Variants in UQCRC2 observed in about 807,000 individuals in gnomAD.
UQCRC2 encodes the protein cytochrome b-c1 complex subunit 2, mitochondrial.
In UQCRC2, 49 loss-of-function variants were observed where a neutral mutation model predicts 55.6. The observed-to-expected ratio is 0.88, with a 90% CI of 0.70 to 1.12. The LOEUF (loss-of-function observed/expected upper bound fraction) is 1.12. UQCRC2 is among the 50% of genes most tolerant of loss of function. The pLI is 0.00. For synonymous variants in UQCRC2, 193 were observed against 192.0 expected, an observed-to-expected ratio of 1.01 and a Z score of -0.04; for missense variants, 506 against 547.8, an observed-to-expected ratio of 0.92 and a Z score of 0.76.
intron 4 of UQCRC2, chr16:21,962,257 T>A: frequency 3.4e-6 from 2 of 584,272 alleles, no homozygotes; most frequent in South Asian, 4.2e-5. Context: ...CAGATTTCAC[T>A]CCTTTTAAGG....
chr16:21,967,662 A>G (rs1162124481), intron 7 of UQCRC2, among the ~76,000 whole-genome samples: 1 of 152,148 alleles, frequency 6.6e-6, no homozygotes, highest in Non-Finnish European at 1.5e-5. Flanking sequence ...TTCCACATTT[A>G]ATATTTTATA....
intron 11 of UQCRC2, among the ~76,000 whole-genome samples, 155 bp downstream of exon 11, chr16:21,974,131 T>A (rs1898527601): frequency 6.6e-6 from 1 of 152,200 alleles, no homozygotes; most frequent in Admixed American, 6.5e-5. Flanking sequence ...TTATCTGCTA[T>A]AGGGAAATTT....
chr16:21,965,493 G>T lies in UQCRC2; in HGVS notation c.600G>T (p.Val200=). 6.3e-7 allele frequency: 1 copy of T among 1,596,096 alleles called. No individual in the cohort carries two copies. Among genetic ancestry groups the T allele is most frequent in the Non-Finnish European group, 8.5e-7 (1 of 1,173,040 alleles). ...LYCPDYRIGK[V]TSEELHYFVQ... ...GTCCTGACTATAGGATTGGAAAAGT[G>T]ACATCAGAGGAGGTACCAATAAAAC... The change falls in exon 7 of 14, where the codon GTG becomes GTT. Residue 200 remains valine, a synonymous_variant. Transcript: ENST00000268379.
intron 11 of UQCRC2, among the ~76,000 whole-genome samples, chr16:21,975,848 T>G (rs1356841430): frequency 6.6e-6 from 1 of 152,174 alleles, no homozygotes; most frequent in Admixed American, 6.5e-5. Flanking sequence ...CCCAACACTT[T>G]GGGAGGTTAA....
chr16:21,965,998 A>C (rs1189050325), intron 7 of UQCRC2, among the ~76,000 whole-genome samples: 3 of 151,926 alleles, frequency 2.0e-5, no homozygotes, highest in African/African-American at 7.3e-5. Context: ...TATCTTTTTT[A>C]AACAGTATTT....
chr16:21,968,068 C>T (rs1024948864), intron 7 of UQCRC2, among the ~76,000 whole-genome samples: 16 of 145,176 alleles, frequency 1.1e-4, no homozygotes, highest in African/African-American at 4.1e-4. Flanking sequence ...ATGACACGAT[C>T]TCAGCTCACT....
intron 4 of UQCRC2, chr16:21,961,394 T>A (rs973602964): frequency 2.5e-6 from 1 of 405,474 alleles, no homozygotes; most frequent in Non-Finnish European, 5.1e-6. Flanking sequence ...ATGAACTAGA[T>A]CCATACGTCA....
chr16:21,982,348 T>A (rs1421520796), intron 13 of UQCRC2, among the ~76,000 whole-genome samples: 2 of 152,172 alleles, frequency 1.3e-5, no homozygotes, highest in African/African-American at 2.4e-5. Flanking sequence ...TAAAGAATCC[T>A]CTAGGGTATC....
At position 21,968,125 on chromosome 16, in the gene UQCRC2, C is replaced by T. The variant is rs530453967; in HGVS notation, c.613-503C>T. 5.9e-5 allele frequency among the ~76,000 whole-genome samples: 9 copies of T among 151,908 alleles called. No individual in the cohort carries two copies. The East Asian group carries it at 9.7e-4, about 16-fold the overall frequency. ...CAAACAATTCTCGTGCCTCAGCCAC[C>T]CATGTAGCTGGGATTACAGGCGTGC... On this transcript the variant is annotated intron_variant, in intron 7 of 13. Transcript: ENST00000268379.
chr16:21,975,892 C>T (rs918895422), intron 11 of UQCRC2, among the ~76,000 whole-genome samples: 1 of 152,028 alleles, frequency 6.6e-6, no homozygotes, highest in Non-Finnish European at 1.5e-5. Flanking sequence ...CACATCTCTA[C>T]AAAAAAAGCT....
chr16:21,963,829 G>A (rs929662684), intron 6 of UQCRC2, among the ~76,000 whole-genome samples: 1 of 152,000 alleles, frequency 6.6e-6, no homozygotes, highest in African/African-American at 2.4e-5. Context: ...TATTGCTGCT[G>A]CTATTATTGC....
chr16:21,970,133 C>T (rs190124548), intron 8 of UQCRC2, among the ~76,000 whole-genome samples: 3 of 152,300 alleles, frequency 2.0e-5, no homozygotes, highest in Admixed American at 6.5e-5. Flanking sequence ...CATATTGTAG[C>T]ATGTGTCAAT....
In UQCRC2 at chr16:21,968,577, C is replaced by G. The variant is rs374488411; in HGVS notation, c.613-51C>G. On this transcript the variant is annotated intron_variant, in intron 7 of 13. Transcript: ENST00000268379. ...AAACTGTACTTTTATGTTTTTACAG[C>G]TTTTTATATTTATGCTAATATAACC... is the stretch of plus-strand genomic sequence containing the variant. 4 of 1,485,478 alleles carry G rather than the reference C, an allele frequency of 2.7e-6. No homozygotes were observed. In the African/African-American group the frequency reaches 4.3e-5, roughly 16 times the overall value. 92.0% of individuals were successfully genotyped at this position (1,485,478 alleles called of 1,614,324 possible).
At position 21,980,424 on chromosome 16, in the gene UQCRC2, G is replaced by A. The variant is rs193124048; in HGVS notation, c.1125-123G>A. ...TTCTTCTTGGGGAATTCAGGAAGAG[G>A]GAGACACGCTGTTACTCTATCCATT... On this transcript the variant is annotated intron_variant, in intron 12 of 13. Transcript: ENST00000268379. 2.6e-3 allele frequency: 2,538 copies of A among 988,162 alleles called. 16 individuals carry two copies. The highest frequency in any genetic ancestry group is 0.011 in the South Asian group (646 of 60,588). 61.2% of individuals were successfully genotyped at this position (988,162 alleles called of 1,614,324 possible).
intron 12 of UQCRC2, among the ~76,000 whole-genome samples, chr16:21,977,367 A>T (rs1264382069): frequency 6.6e-6 from 1 of 152,046 alleles, no homozygotes; most frequent in Non-Finnish European, 1.5e-5. Flanking sequence ...AAAAAAAAAA[A>T]TGTATTTCTA....
chr16:21,973,048 T>C (rs1898501299), intron 10 of UQCRC2, among the ~76,000 whole-genome samples: 1 of 152,208 alleles, frequency 6.6e-6, no homozygotes, highest in African/African-American at 2.4e-5. Context: ...TTCAGTAAGC[T>C]GAGATCGTGC....
At position 21,962,441 on chromosome 16, in the gene UQCRC2, A is replaced by C. The variant is rs1467732183; in HGVS notation, c.333-19A>C. ...TATCCTGATTCAGATGATTTACTCTAGTTTATTTTCCGATTCAGTGTGACC... is the reference window on the plus strand; with the variant it reads ...TATCCTGATTCAGATGATTTACTCTCGTTTATTTTCCGATTCAGTGTGACC... On this transcript the variant is annotated intron_variant, in intron 4 of 13. Coordinates refer to ENST00000268379, the MANE Select transcript of UQCRC2 (RefSeq NM_003366.4). The C allele has an allele frequency of 3.1e-6, 5 of 1,613,956 alleles. No homozygotes were observed. The South Asian group carries it at 4.4e-5, about 14-fold the overall frequency.
chr16:21,982,014 G>C (rs1438623061), intron 13 of UQCRC2, among the ~76,000 whole-genome samples: 3 of 151,490 alleles, frequency 2.0e-5, no homozygotes, highest in Non-Finnish European at 4.4e-5. Flanking sequence ...CTAATTTTTT[G>C]TATTTTTAGT....
At chr16:21,965,107 A>G (rs149436837) in intron 6 of UQCRC2, among the ~76,000 whole-genome samples, 2 of 152,186 alleles carry the variant, frequency 1.3e-5, no homozygotes, top group African/African-American at 4.8e-5. Flanking sequence ...GGACTTCCCA[A>G]AACCCAGGCC....
Sources: gnomAD v4.1 joint callset for allele counts (sites outside exome capture counted in the v4.1 genomes callset) on GRCh38, gnomAD v4.1.1 for gene constraint, MANE v1.5 for transcripts, NCBI Gene and HGNC (gene_info 2026-07-23, HGNC 2026-07-21) for gene names.